Variants in SCMH1 observed in about 807,000 individuals in gnomAD.
The protein encoded by SCMH1 is Scm polycomb group protein homolog 1.
SCMH1 carries 37 observed loss-of-function variants against 70.8 expected under a neutral mutation model. That is an observed-to-expected ratio of 0.52 (90% confidence interval 0.40 to 0.69). The LOEUF (loss-of-function observed/expected upper bound fraction) is 0.69. Ranked by LOEUF, SCMH1 falls within the 30% of genes least tolerant of loss-of-function variation. SCMH1 has a pLI of 0.00. For synonymous variants in SCMH1, 292 were observed against 307.4 expected (o/e 0.95, Z 0.52); for missense variants, 607 against 827.3 (o/e 0.73, Z 3.27).
intron 6 of SCMH1, among the ~76,000 whole-genome samples, chr1:41,141,062 C>T (rs1644024582): frequency 6.6e-6 from 1 of 152,136 alleles, no homozygotes; most frequent in Admixed American, 6.5e-5. Flanking sequence ...AGAAATAAAG[C>T]ATGCATTTAA....
intron 1 of SCMH1, among the ~76,000 whole-genome samples, chr1:41,226,198 T>C (rs1020887111): frequency 6.6e-6 from 1 of 152,180 alleles, no homozygotes; most frequent in African/African-American, 2.4e-5. Context: ...TTTACAAAAA[T>C]TTCATCTTTC....
chr1:41,046,492 A>T lies in SCMH1; in HGVS notation c.1413T>A (p.Asn471Lys). The T allele has an allele frequency of 6.2e-7, 1 of 1,614,196 alleles. No individual in the cohort carries two copies. Among genetic ancestry groups the T allele is most frequent in the Non-Finnish European group, 8.5e-7 (1 of 1,180,026 alleles). The change falls in exon 12 of 15, where the codon AAT becomes AAA. Residue 471 changes from asparagine (N) to lysine (K), a missense_variant. Physicochemically the swap from Asn to Lys is moderately conservative, Grantham distance 94 (BLOSUM62 0). Coordinates refer to ENST00000337495, the Ensembl canonical transcript of SCMH1. ...GTGTAAAGGGCTGGTTGCCAAACAG[A>T]TTGTCACTACGAAGGTTGTGGCAGA...
At chr1:41,193,666 A>G (rs1652292873) in intron 1 of SCMH1, among the ~76,000 whole-genome samples, 1 of 152,200 alleles carries the variant, frequency 6.6e-6, no homozygotes, top group Non-Finnish European at 1.5e-5. Context: ...TGTTTGGACA[A>G]TGCTAGCCAT....
At chr1:41,073,592 T>C (rs534469012) in intron 9 of SCMH1, among the ~76,000 whole-genome samples, 1 of 152,000 alleles carries the variant, frequency 6.6e-6, no homozygotes, top group East Asian at 1.9e-4. Context: ...AAGAGACAAC[T>C]GAGATTGGTA....
At chr1:41,151,802 A>T (rs1380382526) in intron 4 of SCMH1, 118 bp from the exon 5 acceptor site, 12 of 589,394 alleles carry the variant, frequency 2.0e-5, no homozygotes, top group Non-Finnish European at 3.2e-5. Flanking sequence ...AAAAAATATA[A>T]TTTTTTTCCT....
chr1:41,125,567 C>T (rs1672985216), intron 6 of SCMH1, among the ~76,000 whole-genome samples: 1 of 151,552 alleles, frequency 6.6e-6, no homozygotes, highest in African/African-American at 2.4e-5. Flanking sequence ...GATTTCTTCC[C>T]TCCAACTTTA....
chr1:41,154,378 GCTAA>G (rs1224735341), intron 4 of SCMH1, among the ~76,000 whole-genome samples: 2 of 152,206 alleles, frequency 1.3e-5, no homozygotes, highest in African/African-American at 4.8e-5. Flanking sequence ...TGTTTCTACA[GCTAA>G]CTATCTTGGG....
chr1:41,169,013 C>T (rs983512941), intron 2 of SCMH1, among the ~76,000 whole-genome samples: 11 of 152,174 alleles, frequency 7.2e-5, no homozygotes, highest in Non-Finnish European at 1.3e-4. Context: ...CTGCTCTAAG[C>T]TAAGGAGAAG....
chr1:41,029,194 T>C (rs934260179), intron 13 of SCMH1, among the ~76,000 whole-genome samples: 5 of 152,142 alleles, frequency 3.3e-5, no homozygotes, highest in Non-Finnish European at 7.3e-5. Flanking sequence ...TACAGCCTGA[T>C]ACACTAAGGC....
intron 1 of SCMH1, among the ~76,000 whole-genome samples, chr1:41,204,412 A>C (rs1412796691): frequency 9.2e-5 from 14 of 152,084 alleles, no homozygotes; most frequent in Admixed American, 9.2e-4. Context: ...TAGCACTTCA[A>C]ATCAAATCCA....
intron 10 of SCMH1, among the ~76,000 whole-genome samples, chr1:41,057,239 C>T (rs1176676314): frequency 6.6e-6 from 1 of 151,944 alleles, no homozygotes; most frequent in Non-Finnish European, 1.5e-5. Context: ...ACCTATTTAC[C>T]ATGTTTTTTT....
chr1:41,138,882 A>G (rs1269686684), intron 6 of SCMH1, among the ~76,000 whole-genome samples: 4 of 152,078 alleles, frequency 2.6e-5, no homozygotes, highest in Non-Finnish European at 2.9e-5. Flanking sequence ...TTCAAGTGCT[A>G]TTTTCTCACC....
At chr1:41,219,536 C>T (rs74070718) in intron 1 of SCMH1, among the ~76,000 whole-genome samples, 1,958 of 152,258 alleles carry the variant, frequency 0.013, 41 homozygotes, top group African/African-American at 0.045. Context: ...AATTGAAATA[C>T]GTCAGATGTC....
intron 2 of SCMH1, among the ~76,000 whole-genome samples, chr1:41,179,091 C>T (rs1199277759): frequency 2.6e-5 from 4 of 152,170 alleles, no homozygotes; most frequent in African/African-American, 7.2e-5. Flanking sequence ...TCACTCAAAA[C>T]CGCTCAACTA....
At chr1:41,070,013 T>C (rs1333029176) in intron 10 of SCMH1, among the ~76,000 whole-genome samples, 1 of 152,180 alleles carries the variant, frequency 6.6e-6, no homozygotes, top group African/African-American at 2.4e-5. Flanking sequence ...AACTTACACA[T>C]TAAAAAATGA....
intron 8 of SCMH1, among the ~76,000 whole-genome samples, chr1:41,086,585 AG>A (rs1416234387): frequency 6.6e-6 from 1 of 152,072 alleles, no homozygotes; most frequent in Non-Finnish European, 1.5e-5. Flanking sequence ...GAGCTGGATA[AG>A]TTGACATTAA....
chr1:41,054,148 G>A (rs985659263), intron 10 of SCMH1, among the ~76,000 whole-genome samples: 11 of 152,044 alleles, frequency 7.2e-5, no homozygotes, highest in Non-Finnish European at 1.6e-4. Context: ...CCGGCCTAAA[G>A]GTTCTTAATG....
At chr1:41,084,434 C>A (rs1347284623) in intron 8 of SCMH1, among the ~76,000 whole-genome samples, 2 of 152,196 alleles carry the variant, frequency 1.3e-5, no homozygotes, top group Non-Finnish European at 2.9e-5. Context: ...GAGATACCAT[C>A]TCACACCAGT....
chr1:41,122,504 C>T (rs1391952120), intron 6 of SCMH1, among the ~76,000 whole-genome samples: 1 of 152,302 alleles, frequency 6.6e-6, no homozygotes, highest in Non-Finnish European at 1.5e-5. Flanking sequence ...AACTAGAATA[C>T]AAAATCCTTG....
Sources: allele counts gnomAD v4.1 joint callset (sites outside exome capture counted in the v4.1 genomes callset), GRCh38; gene constraint gnomAD v4.1.1; transcripts MANE v1.5; gene names NCBI Gene and HGNC (gene_info 2026-07-23, HGNC 2026-07-21).